HECTD4: variants seen among roughly 807,000 people sequenced by gnomAD.
HECTD4 encodes HECT domain E3 ubiquitin protein ligase 4.
A neutral mutation model predicts 471.5 loss-of-function variants in HECTD4; 114 were observed. That is an observed-to-expected ratio of 0.24 (90% confidence interval 0.21 to 0.28). The LOEUF (loss-of-function observed/expected upper bound fraction) is 0.28, where lower values mean the gene tolerates loss of function less well. Among genes scored for constraint, HECTD4 ranks in the 10% least tolerant of loss-of-function variants. The pLI, the probability that HECTD4 is intolerant of heterozygous loss-of-function variation, is 1.00. For missense variants in HECTD4, 3,866 were observed against 5,651.5 expected (o/e 0.68, Z 10.13); for synonymous variants, 2,012 against 2,256.0 (o/e 0.89, Z 3.07).
rs560134166 is a variant in HECTD4, at chr12:112,233,613, C to T, written c.5916-528G>A. Among the ~76,000 whole-genome samples, 5 of 152,120 alleles carry T rather than the reference C, an allele frequency of 3.3e-5. No homozygotes were observed. In the South Asian group the frequency reaches 1.0e-3, roughly 32 times the overall value. ...ACTGCTTAATTATAGCACTTTAGGG[C>T]CCAAAACAACAGCGTTTTTAGAGTT... On this transcript the variant is annotated intron_variant, in intron 37 of 75. Transcript: ENST00000682272.
At chr12:112,240,541 T>C (rs2033616583) in intron 32 of HECTD4, among the ~76,000 whole-genome samples, 1 of 151,914 alleles carries the variant, frequency 6.6e-6, no homozygotes, top group Admixed American at 6.6e-5. Context: ...CCTTGATCTC[T>C]TGGGCTCAGG....
intron 71 of HECTD4, 130 bp downstream of exon 71, chr12:112,167,684 A>C: frequency 9.7e-7 from 1 of 1,032,582 alleles, no homozygotes. Context: ...TGAGGCAAGG[A>C]CCTGTCCCCA....
Position 112,230,690 on chromosome 12 carries a change from C to T in HECTD4, c.6333G>A (p.Glu2111=), listed in dbSNP as rs565056358. Residue 2111 remains glutamate (E), a synonymous_variant, in exon 40 of 76, where the codon GAG becomes GAA. Transcript: ENST00000682272. ...NAAQIWTTTA[E]KVLSRALMYI... ...TGAGTAGCAACACTGCGCTAACCTTCTCTGCTGTTGTGGTCCATATTTGAG... is the reference window on the plus strand; with the variant it reads ...TGAGTAGCAACACTGCGCTAACCTTTTCTGCTGTTGTGGTCCATATTTGAG... The T allele has an allele frequency of 3.1e-6, 5 of 1,609,284 alleles. No individual in the cohort carries two copies. The Admixed American group carries it at 5.1e-5, about 16-fold the overall frequency.
chr12:112,302,292 C>G lies in HECTD4; in HGVS notation c.1335+3772G>C. The G allele has an allele frequency of 3.7e-6, 3 of 800,570 alleles. No homozygotes were observed. The South Asian group carries it at 4.2e-5, about 11-fold the overall frequency. The allele number at this position is 800,570 out of a possible 1,614,324, so 49.6% of individuals were successfully genotyped here. On this transcript the variant is annotated intron_variant, in intron 7 of 75. Coordinates refer to ENST00000682272, the MANE Select transcript of HECTD4 (RefSeq NM_001388303.1). ...GCAGGTGGTCTCTTAGTGGGGACGC[C>G]CCCTTTGCCAGCAGCTTTCTTCTCA... is the stretch of plus-strand genomic sequence containing the variant.
chr12:112,247,556 GA>G lies in HECTD4; in HGVS notation c.4249-7del, dbSNP rs747245772. 2.4e-5 allele frequency: 33 copies of G among 1,400,118 alleles called. No homozygotes were observed. The highest frequency in any genetic ancestry group is 5.6e-5 in the South Asian group (4 of 71,182). The allele number at this position is 1,400,118 out of a possible 1,614,324, so 86.7% of individuals were successfully genotyped here. A position where few individuals can be genotyped will look rare whatever the true frequency, so the allele number is the denominator to read the frequency against. ...TCTAGTTCTTTCATTTTGTTCTAAA[GA>G]AAAAAAAGATGGTATGCAGAATCTG... On this transcript the variant is annotated splice_polypyrimidine_tract_variant and splice_region_variant and intron_variant, in intron 27 of 75. Transcript: ENST00000682272.
chr12:112,326,275 T>C (rs901642964), intron 1 of HECTD4, among the ~76,000 whole-genome samples: 2 of 151,990 alleles, frequency 1.3e-5, no homozygotes, highest in Admixed American at 6.6e-5. Context: ...GTTCAGGTGA[T>C]CTTGAGGCCA....
chr12:112,177,308 A>T (rs1016087429), intron 64 of HECTD4, among the ~76,000 whole-genome samples: 1 of 152,148 alleles, frequency 6.6e-6, no homozygotes, highest in African/African-American at 2.4e-5. Flanking sequence ...CTCGAGAGTC[A>T]CAGACCCGTA....
In HECTD4 at chr12:112,184,943, G is replaced by C. The variant is rs752621135; in HGVS notation, c.10023C>G (p.Leu3341=). 3 of 1,613,820 alleles carry C rather than the reference G, an allele frequency of 1.9e-6. No individual in the cohort carries two copies. In the Admixed American group the frequency reaches 5.0e-5, roughly 27 times the overall value. ...CCTCGGGCTTGCTGCCTCCGATGCT[G>C]AGCACGGTGGGGTCCGAGTCCACGG... is the stretch of plus-strand genomic sequence containing the variant. ...SRTVDSDPTV[L]SIGGSKPEDM... Residue 3341 remains leucine, a synonymous_variant, in exon 61 of 76, where the codon CTC becomes CTG. Coordinates refer to ENST00000682272, the MANE Select transcript of HECTD4 (RefSeq NM_001388303.1). This position sits in a 1 kb window ranked among gnomAD's most constrained non-coding sequence, Gnocchi z 9.1.
chr12:112,212,676 C>A, intron 48 of HECTD4, 26 bp from the exon 49 acceptor site: 2 of 1,568,470 alleles, frequency 1.3e-6, no homozygotes, highest in South Asian at 2.3e-5. Flanking sequence ...GGAAGGAAAA[C>A]ATATTTTCTC....
At chr12:112,351,134 G>A (rs967021016) in intron 1 of HECTD4, among the ~76,000 whole-genome samples, 1 of 152,184 alleles carries the variant, frequency 6.6e-6, no homozygotes, top group Admixed American at 6.5e-5. Flanking sequence ...CTGAAGATCT[G>A]TACCTAGCTT....
At chr12:112,321,243 A>C (rs915603716) in intron 1 of HECTD4, among the ~76,000 whole-genome samples, 1 of 152,246 alleles carries the variant, frequency 6.6e-6, no homozygotes, top group Non-Finnish European at 1.5e-5. Flanking sequence ...CAAAACATTC[A>C]ATTATCAGGA....
At chr12:112,191,176 C>A (rs749405478) in intron 59 of HECTD4, among the ~76,000 whole-genome samples, 3 of 152,210 alleles carry the variant, frequency 2.0e-5, no homozygotes, top group Non-Finnish European at 4.4e-5. Context: ...AGGGAGTCCG[C>A]TTACTGGGGT....
At position 112,219,475 on chromosome 12, in the gene HECTD4, C is replaced by T; in HGVS notation, c.6985G>A (p.Val2329Ile). The T allele has an allele frequency of 6.2e-7, 1 of 1,613,450 alleles. No homozygotes were observed. Among genetic ancestry groups the T allele is most frequent in the Non-Finnish European group, 8.5e-7 (1 of 1,179,488 alleles). Residue 2329 changes from valine (V) to isoleucine (I), a missense_variant, in exon 45 of 76, where the codon GTT (valine) becomes ATT (isoleucine). This residue lies in a region of HECTD4 where 617 missense variants were observed against 915.1 expected (regional missense o/e 0.67). Coordinates refer to ENST00000682272, the MANE Select transcript of HECTD4 (RefSeq NM_001388303.1). ...AGCCGTTCACACTGTACCTCCACAA[C>T]TGCAAGTCGCTCTCCTGTAGAGGGC... is the stretch of plus-strand genomic sequence containing the variant. ...QECSAGERLA[V>I]VEVQCERLRM... is the part of the protein sequence containing the mutation.
intron 62 of HECTD4, 100 bp downstream of exon 62, chr12:112,182,959 G>T (rs2031730723): frequency 1.3e-6 from 1 of 794,288 alleles, no homozygotes; most frequent in Non-Finnish European, 2.1e-6. Flanking sequence ...AAAAATAGGG[G>T]ATACTGGGGA....
At chr12:112,244,392 T>C (rs1002995940) in intron 29 of HECTD4, among the ~76,000 whole-genome samples, 5 of 152,126 alleles carry the variant, frequency 3.3e-5, no homozygotes, top group Non-Finnish European at 7.4e-5. Context: ...TTTTTTAAGA[T>C]GGGTCTCGCT....
At chr12:112,185,597 C>G (rs2137029499) in intron 60 of HECTD4, 104 bp from the exon 61 acceptor site, 1 of 838,038 alleles carries the variant, frequency 1.2e-6, no homozygotes, top group South Asian at 2.0e-5. Context: ...CCTGTGAACA[C>G]TGACTGCGCA....
rs375058313 is a variant in HECTD4, at chr12:112,261,313, A to T, written c.2865T>A (p.Arg955=). The part of the protein sequence containing the change: ...TALINSDIAD[R]EQRLKGLEQV... ...CACAATCCATTCCTCACCTCTGCTCACGGTCTGCTATGTCACTATTTATGA... is the reference window on the plus strand; with the variant it reads ...CACAATCCATTCCTCACCTCTGCTCTCGGTCTGCTATGTCACTATTTATGA... The change falls in exon 18 of 76, where the codon CGT becomes CGA. Residue 955 remains arginine (R), a synonymous_variant. Transcript: ENST00000682272. 1 of 1,595,080 alleles carries T rather than the reference A, an allele frequency of 6.3e-7. No homozygotes were observed. Among genetic ancestry groups the T allele is most frequent in the African/African-American group, 1.3e-5 (1 of 74,668 alleles).
chr12:112,290,460 A>G (rs1003502708), intron 7 of HECTD4, among the ~76,000 whole-genome samples: 3 of 151,356 alleles, frequency 2.0e-5, no homozygotes, highest in Admixed American at 2.0e-4. Flanking sequence ...GCAAGGTTCT[A>G]GGCTGCAGTG....
In HECTD4 at chr12:112,184,415, C is replaced by T. The variant is rs377318196; in HGVS notation, c.10551G>A (p.Glu3517=). 2 of 1,605,794 alleles carry T rather than the reference C, an allele frequency of 1.2e-6. No homozygotes were observed. Among genetic ancestry groups the T allele is most frequent in the Non-Finnish European group, 1.7e-6 (2 of 1,176,976 alleles). ...LSVDPLPAGL[E]LPIPPGLLEP... is the part of the protein sequence containing the mutation. ...CCAACAGGCCCGGAGGGATGGGCAGCTCGAGGCCGGCAGGCAGCGGATCCA... is the reference window on the plus strand; with the variant it reads ...CCAACAGGCCCGGAGGGATGGGCAGTTCGAGGCCGGCAGGCAGCGGATCCA... Residue 3517 remains glutamate (E), a synonymous_variant, in exon 61 of 76, where the codon GAG becomes GAA. Coordinates refer to ENST00000682272, the MANE Select transcript of HECTD4 (RefSeq NM_001388303.1). This position sits in a 1 kb window ranked among gnomAD's most constrained non-coding sequence, Gnocchi z 9.1.
Sources: allele counts gnomAD v4.1 joint callset (sites outside exome capture counted in the v4.1 genomes callset), GRCh38; gene constraint gnomAD v4.1.1; regional missense constraint gnomAD v4.1.1; non-coding constraint Gnocchi (gnomAD v3.1); transcripts MANE v1.5; gene names NCBI Gene and HGNC (gene_info 2026-07-23, HGNC 2026-07-21).